Variants in CLOCK observed in about 807,000 individuals in gnomAD.
CLOCK encodes clock circadian regulator, also known as circadian locomoter output cycles protein kaput.
CLOCK carries 43 observed loss-of-function variants against 118.4 expected under a neutral mutation model. The observed-to-expected ratio is 0.36, with a 90% confidence interval of 0.28 to 0.47. The LOEUF (loss-of-function observed/expected upper bound fraction) is 0.47. Ranked by LOEUF, CLOCK falls within the 20% of genes least tolerant of loss-of-function variation. The pLI is 1.00. For synonymous variants in CLOCK, 326 were observed against 339.2 expected (o/e 0.96, Z 0.43); for missense variants, 846 against 999.9 (o/e 0.85, Z 2.08).
chr4:55,498,096 A>G (rs1728200828), intron 2 of CLOCK, among the ~76,000 whole-genome samples: 1 of 152,196 alleles, frequency 6.6e-6, no homozygotes. Flanking sequence ...TTTAGAGCTA[A>G]TTCATGAGTT....
At chr4:55,518,560 G>C (rs1014570251) in intron 1 of CLOCK, among the ~76,000 whole-genome samples, 2 of 152,290 alleles carry the variant, frequency 1.3e-5, no homozygotes, top group East Asian at 3.9e-4. Flanking sequence ...AATCCCCAAT[G>C]TGACAGTATT....
chr4:55,530,774 CAA>C (rs60810379), intron 1 of CLOCK, among the ~76,000 whole-genome samples: 7 of 33,048 alleles, frequency 2.1e-4, no homozygotes, highest in East Asian at 1.8e-3. Flanking sequence ...GACTCCATCG[CAA>C]AAAAAAAAAA....
In CLOCK at chr4:55,428,152, A is replaced by G. The variant is rs572773083; in HGVS notation, c.*7263T>C. The G allele has an allele frequency of 1.3e-5, 2 of 152,316 alleles. No individual in the cohort carries two copies. Among genetic ancestry groups the G allele is most frequent in the Non-Finnish European group, 2.9e-5 (2 of 68,024 alleles). 9.4% of individuals were successfully genotyped at this position (152,316 alleles called of 1,614,324 possible). ...TAAGTTTAGGTTCTGAATACATGAC[A>G]AGAGTATGGGAAAGAGCAGAATAAT... On this transcript the variant is annotated 3_prime_UTR_variant, in exon 23 of 23. Transcript: ENST00000513440.
chr4:55,483,709 A>G (rs922079704), intron 3 of CLOCK, among the ~76,000 whole-genome samples: 11 of 152,332 alleles, frequency 7.2e-5, no homozygotes, highest in Non-Finnish European at 1.6e-4. Context: ...CATTTTCCTT[A>G]TGAAAAACCT....
At chr4:55,471,896 A>G (rs1176916377) in intron 7 of CLOCK, among the ~76,000 whole-genome samples, 2 of 152,052 alleles carry the variant, frequency 1.3e-5, no homozygotes, top group African/African-American at 4.8e-5. Context: ...AACATGGCGA[A>G]ACCTTGTCTC....
At chr4:55,479,562 C>A (rs893149094) in intron 5 of CLOCK, 78 bp downstream of exon 5, 19 of 1,206,276 alleles carry the variant, frequency 1.6e-5, no homozygotes, top group Non-Finnish European at 2.2e-5. Flanking sequence ...TTTTGGAAAT[C>A]ATTTATTCAC....
Position 55,444,623 on chromosome 4 carries a change from T to C in CLOCK, c.1692+10A>G, listed in dbSNP as rs745698998. The C allele has an allele frequency of 1.9e-6, 3 of 1,614,034 alleles. No individual in the cohort carries two copies. Among genetic ancestry groups the C allele is most frequent in the Non-Finnish European group, 2.5e-6 (3 of 1,179,968 alleles). ...GGGATGCTTTGTTTGTATTCAAATA[T>C]AACAATTACCTGCAGCCCCTGACCA... On this transcript the variant is annotated intron_variant, in intron 19 of 22. Transcript: ENST00000513440.
chr4:55,519,164 G>A (rs768842691), intron 1 of CLOCK, among the ~76,000 whole-genome samples: 187 of 152,184 alleles, frequency 1.2e-3, no homozygotes, highest in Non-Finnish European at 5.0e-4. Flanking sequence ...TGATCCTCCC[G>A]CCTCAGCCTC....
At chr4:55,451,367 G>A (rs1414311909) in intron 15 of CLOCK, among the ~76,000 whole-genome samples, 1 of 152,032 alleles carries the variant, frequency 6.6e-6, no homozygotes, top group East Asian at 1.9e-4. Flanking sequence ...TAACTTCCTG[G>A]TTTTATTCCT....
intron 2 of CLOCK, among the ~76,000 whole-genome samples, chr4:55,499,062 A>G (rs1728267172): frequency 6.6e-6 from 1 of 152,128 alleles, no homozygotes; most frequent in South Asian, 2.1e-4. Context: ...TTTATTTTTC[A>G]GAGAACTATT....
chr4:55,474,532 A>G (rs1471867917), intron 7 of CLOCK, among the ~76,000 whole-genome samples: 1 of 152,198 alleles, frequency 6.6e-6, no homozygotes, highest in Non-Finnish European at 1.5e-5. Flanking sequence ...ACAGCCTTCT[A>G]TTGGGAGAAG....
chr4:55,496,183 C>T (rs1437639596), intron 2 of CLOCK, among the ~76,000 whole-genome samples: 1 of 149,952 alleles, frequency 6.7e-6, no homozygotes, highest in Non-Finnish European at 1.5e-5. Flanking sequence ...AGCGAGAGGT[C>T]GTCTCAAAAA....
intron 1 of CLOCK, among the ~76,000 whole-genome samples, chr4:55,543,221 C>G (rs1401916564): frequency 6.6e-6 from 1 of 152,188 alleles, no homozygotes; most frequent in East Asian, 1.9e-4. Flanking sequence ...AAACTCACAT[C>G]AGTATGACCT....
At chr4:55,454,638 A>T (rs898863407) in intron 13 of CLOCK, among the ~76,000 whole-genome samples, 1 of 139,622 alleles carries the variant, frequency 7.2e-6, no homozygotes, top group East Asian at 2.2e-4. Context: ...AAAAAAAAAA[A>T]GGGTTTGTAG....
In CLOCK at chr4:55,435,234, T is replaced by A; in HGVS notation, c.*181A>T. The A allele has an allele frequency of 1.5e-6, 1 of 677,062 alleles. No homozygotes were observed. The highest frequency in any genetic ancestry group is 2.6e-6 in the Non-Finnish European group (1 of 390,676). The allele number at this position is 677,062 out of a possible 1,614,324, so 41.9% of individuals were successfully genotyped here. On this transcript the variant is annotated 3_prime_UTR_variant, in exon 23 of 23. Coordinates refer to ENST00000513440, the MANE Select transcript of CLOCK (RefSeq NM_004898.4). ...TATGATCACCTCCTGCTGGCTGGTATTTAATGTACATCTGTAGCACTAGGC... is the reference window on the plus strand; with the variant it reads ...TATGATCACCTCCTGCTGGCTGGTAATTAATGTACATCTGTAGCACTAGGC...
intron 13 of CLOCK, among the ~76,000 whole-genome samples, chr4:55,455,258 T>A (rs1023671549): frequency 1.3e-5 from 2 of 151,780 alleles, no homozygotes; most frequent in African/African-American, 2.4e-5. Context: ...ATAAAAAGAG[T>A]AGGCCTAGGC....
At chr4:55,467,792 A>G (rs1237274821) in intron 8 of CLOCK, among the ~76,000 whole-genome samples, 2 of 94,848 alleles carry the variant, frequency 2.1e-5, no homozygotes, top group African/African-American at 5.8e-5. Context: ...TGCATTGCTA[A>G]TATCTCATGT....
intron 8 of CLOCK, among the ~76,000 whole-genome samples, chr4:55,465,222 G>T (rs1725655144): frequency 1.3e-5 from 2 of 151,022 alleles, no homozygotes; most frequent in Admixed American, 6.6e-5. Context: ...TATTTACATT[G>T]TATTAGTTAT....
Position 55,450,356 on chromosome 4 carries a change from G to A in CLOCK, c.1207-124C>T, listed in dbSNP as rs191637075. The A allele has an allele frequency of 2.3e-4, 236 of 1,030,178 alleles. No homozygotes were observed. The African/African-American group carries it at 3.3e-3, about 14-fold the overall frequency. The allele number at this position is 1,030,178 out of a possible 1,614,324, so 63.8% of individuals were successfully genotyped here. A position where few individuals can be genotyped will look rare whatever the true frequency, so the allele number is the denominator to read the frequency against. On this transcript the variant is annotated intron_variant, in intron 15 of 22. Transcript: ENST00000513440. ...TATAACAAGGCAAAAGTACCTGTAT[G>A]TACATACACATGTAAAGAAATGAAA...
Sources: allele counts gnomAD v4.1 joint callset (sites outside exome capture counted in the v4.1 genomes callset), GRCh38; gene constraint gnomAD v4.1.1; transcripts MANE v1.5; gene names NCBI Gene and HGNC (gene_info 2026-07-23, HGNC 2026-07-21).